Variants in SDK1 observed in about 807,000 individuals in gnomAD.
The protein encoded by SDK1 is sidekick cell adhesion molecule 1.
A neutral mutation model predicts 245.5 loss-of-function variants in SDK1; 157 were observed. The ratio of observed to expected loss-of-function variants is 0.64; its 90% CI spans 0.56 to 0.73. The LOEUF (loss-of-function observed/expected upper bound fraction) is 0.73, where lower values mean the gene tolerates loss of function less well. Ranked by LOEUF, SDK1 falls within the 30% of genes least tolerant of loss-of-function variation. The probability of loss-of-function intolerance (pLI) is 0.00; values close to 1 mark genes in which losing one functional copy is unlikely to be tolerated. For missense variants in SDK1, 3,583 were observed against 3,002.3 expected, an observed-to-expected ratio of 1.19 and a Z score of -4.52; for synonymous variants, 1,647 against 1,278.5, an observed-to-expected ratio of 1.29 and a Z score of -6.15.
chr7:3,770,017 A>G (rs1300389297), intron 4 of SDK1, among the ~76,000 whole-genome samples: 1 of 151,508 alleles, frequency 6.6e-6, no homozygotes, highest in Non-Finnish European at 1.5e-5. Flanking sequence ...ACATATCCCT[A>G]CTACAGTCTC....
At chr7:3,912,757 G>A (rs553903705) in intron 5 of SDK1, among the ~76,000 whole-genome samples, 1 of 152,362 alleles carries the variant, frequency 6.6e-6, no homozygotes, top group East Asian at 1.9e-4. Flanking sequence ...CAAGACAGTT[G>A]ACAGAAGGAA....
chr7:3,865,773 C>T (rs1780806373), intron 5 of SDK1, among the ~76,000 whole-genome samples: 1 of 151,930 alleles, frequency 6.6e-6, no homozygotes, highest in South Asian at 2.1e-4. Flanking sequence ...GCTGGGATTA[C>T]AGGCATGAGC....
At chr7:3,459,299 T>C (rs1354360125) in intron 1 of SDK1, among the ~76,000 whole-genome samples, 2 of 152,236 alleles carry the variant, frequency 1.3e-5, no homozygotes, top group African/African-American at 4.8e-5. Context: ...TCAGTTGTCA[T>C]ACTTTTTGTA....
chr7:3,540,466 A>G (rs1779022877), intron 1 of SDK1, among the ~76,000 whole-genome samples: 1 of 152,210 alleles, frequency 6.6e-6, no homozygotes. Context: ...GGCAAGTGGA[A>G]GAAAAATAAT....
chr7:3,422,548 C>T (rs1353158815), intron 1 of SDK1, among the ~76,000 whole-genome samples: 4 of 152,068 alleles, frequency 2.6e-5, no homozygotes, highest in African/African-American at 9.7e-5. Flanking sequence ...ACCCTAGTAA[C>T]TTGGGAGGCT....
At chr7:3,855,913 A>T (rs572596907) in intron 5 of SDK1, among the ~76,000 whole-genome samples, 1 of 152,232 alleles carries the variant, frequency 6.6e-6, no homozygotes, top group Non-Finnish European at 1.5e-5. Flanking sequence ...TAAAGCTTCA[A>T]TTAATGAATG....
chr7:3,668,785 C>G (rs1459129667), intron 4 of SDK1, among the ~76,000 whole-genome samples: 1 of 152,194 alleles, frequency 6.6e-6, no homozygotes. Flanking sequence ...AGTGAAATTC[C>G]TACTCAAACA....
At chr7:3,527,232 T>G (rs1783168645) in intron 1 of SDK1, among the ~76,000 whole-genome samples, 1 of 152,220 alleles carries the variant, frequency 6.6e-6, no homozygotes, top group South Asian at 2.1e-4. Flanking sequence ...GCAATGGGAA[T>G]GCTATGGTAA....
At chr7:3,316,750 G>A (rs888969718) in intron 1 of SDK1, among the ~76,000 whole-genome samples, 47 of 152,242 alleles carry the variant, frequency 3.1e-4, no homozygotes, top group African/African-American at 9.1e-4. Context: ...CGTGGAACTG[G>A]TTCTTGCCCA....
At chr7:3,923,906 G>A (rs941778215) in intron 5 of SDK1, among the ~76,000 whole-genome samples, 1 of 152,142 alleles carries the variant, frequency 6.6e-6, no homozygotes, top group African/African-American at 2.4e-5. Flanking sequence ...TTCAGGTTGG[G>A]CAGCCTCTCC....
At position 4,267,671 on chromosome 7, in the gene SDK1, G is replaced by C. The variant is rs1489178620; in HGVS notation, c.*2287G>C. ...CCAGGGAGAGTGTTGAGACGTCTTA[G>C]GTTGAGGATGAGCAGATTCGAGATA... is the stretch of plus-strand genomic sequence containing the variant. On this transcript the variant is annotated 3_prime_UTR_variant, in exon 45 of 45. Transcript: ENST00000404826. 1 of 985,372 alleles carries C rather than the reference G, an allele frequency of 1.0e-6. No homozygotes were observed. Among genetic ancestry groups the C allele is most frequent in the African/African-American group, 1.7e-5 (1 of 57,248 alleles). 61.0% of individuals were successfully genotyped at this position (985,372 alleles called of 1,614,324 possible). A position where few individuals can be genotyped will look rare whatever the true frequency, so the allele number is the denominator to read the frequency against.
chr7:3,873,383 C>G (rs983827348), intron 5 of SDK1, among the ~76,000 whole-genome samples: 1 of 151,974 alleles, frequency 6.6e-6, no homozygotes, highest in African/African-American at 2.4e-5. Context: ...TTTGTCCCTT[C>G]TTTTTCAGTA....
intron 1 of SDK1, among the ~76,000 whole-genome samples, chr7:3,598,842 A>G (rs528173336): frequency 8.0e-5 from 12 of 149,700 alleles, no homozygotes; most frequent in South Asian, 4.4e-4. Context: ...GACATATAAC[A>G]GTTTGTATAC....
chr7:4,113,960 G>A (rs1783523901), intron 24 of SDK1, 77 bp from the exon 25 acceptor site: 2 of 1,221,842 alleles, frequency 1.6e-6, no homozygotes, highest in Non-Finnish European at 2.4e-6. Flanking sequence ...GCCTCACAGG[G>A]CAGGCCCATC....
chr7:3,987,396 T>C (rs1783943633), intron 14 of SDK1, 74 bp downstream of exon 14: 2 of 1,510,602 alleles, frequency 1.3e-6, no homozygotes, highest in South Asian at 1.2e-5. Context: ...TCCTTAACCT[T>C]TACTTCTGGG....
intron 5 of SDK1, among the ~76,000 whole-genome samples, chr7:3,930,667 C>G (rs1227075401): frequency 2.0e-5 from 3 of 152,182 alleles, no homozygotes; most frequent in African/African-American, 7.2e-5. Context: ...GTGGCACACA[C>G]CTGTAATCCC....
chr7:4,149,384 G>T lies in SDK1; in HGVS notation c.4546G>T (p.Val1516Leu), dbSNP rs1369908704. ...ASPIRYFTMQ[V>L]RELPRGEWQT... ...CCCCATCCGGTACTTCACCATGCAG[G>T]TGCGAGAGCTGCCTCGGGGTGAGTG... is the stretch of plus-strand genomic sequence containing the variant. The change falls in exon 30 of 45, where the codon GTG becomes TTG. Residue 1516 changes from valine (V) to leucine (L), a missense_variant. Transcript: ENST00000404826. 6.3e-7 allele frequency: 1 copy of T among 1,588,936 alleles called. No individual in the cohort carries two copies. Among genetic ancestry groups the T allele is most frequent in the Non-Finnish European group, 8.6e-7 (1 of 1,168,514 alleles).
intron 1 of SDK1, among the ~76,000 whole-genome samples, chr7:3,343,421 A>C (rs1242869679): frequency 6.6e-6 from 1 of 152,214 alleles, no homozygotes; most frequent in African/African-American, 2.4e-5. Context: ...ATGTTGTATA[A>C]TTCCATTGAT....
intron 1 of SDK1, among the ~76,000 whole-genome samples, chr7:3,511,550 T>A (rs1279489593): frequency 1.3e-5 from 2 of 152,166 alleles, no homozygotes; most frequent in African/African-American, 4.8e-5. Context: ...AAATGGCTTG[T>A]CAAAATGTTT....
Sources: gnomAD v4.1 joint callset for allele counts (sites outside exome capture counted in the v4.1 genomes callset) on GRCh38, gnomAD v4.1.1 for gene constraint, MANE v1.5 for transcripts, NCBI Gene and HGNC (gene_info 2026-07-23, HGNC 2026-07-21) for gene names.